The following TENM2 variants were observed in gnomAD, a reference collection of about 807,000 sequenced individuals.
TENM2 encodes the protein teneurin-2.
TENM2 carries 52 observed loss-of-function variants against 245.2 expected under a neutral mutation model. That is an observed-to-expected ratio of 0.21 (90% CI 0.17 to 0.27). The LOEUF (loss-of-function observed/expected upper bound fraction) is 0.27. Ranked by LOEUF, TENM2 falls within the 10% of genes least tolerant of loss-of-function variation. The probability of loss-of-function intolerance (pLI) is 1.00; values close to 1 mark genes in which losing one functional copy is unlikely to be tolerated. For synonymous variants in TENM2, 1,363 were observed against 1,438.9 expected, an observed-to-expected ratio of 0.95 and a Z score of 1.19; for missense variants, 3,046 against 3,666.8, an observed-to-expected ratio of 0.83 and a Z score of 4.37.
At chr5:168,060,549 C>G (rs248001) in intron 6 of TENM2, among the ~76,000 whole-genome samples, 45,644 of 152,126 alleles carry the variant, frequency 0.3, 7,579 homozygotes, top group Non-Finnish European at 0.36. Flanking sequence ...AAGGAGGCTT[C>G]CAAACTTCCT....
intron 9 of TENM2, among the ~76,000 whole-genome samples, chr5:168,099,920 T>C (rs1793671625): frequency 6.6e-6 from 1 of 152,234 alleles, no homozygotes; most frequent in African/African-American, 2.4e-5. Flanking sequence ...GGTTTGTAGT[T>C]CTCCTTGAAG....
intron 2 of TENM2, among the ~76,000 whole-genome samples, chr5:167,580,764 C>T (rs1423505080): frequency 6.6e-6 from 1 of 152,296 alleles, no homozygotes; most frequent in East Asian, 1.9e-4. Context: ...CCGAGGTGGG[C>T]GGATTGCTTG....
intron 13 of TENM2, among the ~76,000 whole-genome samples, chr5:168,166,117 G>A (rs1273151930): frequency 2.0e-5 from 3 of 152,094 alleles, no homozygotes; most frequent in African/African-American, 7.2e-5. Flanking sequence ...GTGGGGATGG[G>A]AGTTCTGCCC....
the TENM2 span, among the ~76,000 whole-genome samples, chr5:167,185,488 A>G: frequency 6.6e-6 from 1 of 152,124 alleles, no homozygotes; most frequent in Admixed American, 6.6e-5. Context: ...ATATGTTTCA[A>G]CATATATTTG....
rs543774573 is a variant in TENM2 at position 167,590,310 on chromosome 5, C to G, written c.502+214837C>G. The stretch of plus-strand genomic sequence containing the variant: ...CTATTTCAGATATCTTGAATTGTTT[C>G]TCAGCTTTAAAAAAAATCCCCATTA... On this transcript the variant is annotated intron_variant, in intron 2 of 28. Coordinates refer to ENST00000518659, the Ensembl canonical transcript of TENM2. 3.3e-5 allele frequency among the ~76,000 whole-genome samples: 5 copies of G among 151,742 alleles called. No individual in the cohort carries two copies. In the South Asian group the frequency reaches 1.0e-3, roughly 32 times the overall value.
chr5:167,730,403 A>G lies in TENM2; in HGVS notation c.503-145583A>G, dbSNP rs573230042. Among the ~76,000 whole-genome samples, 652 of 152,320 alleles carry G rather than the reference A, an allele frequency of 4.3e-3. 4 individuals are homozygous for G. Among genetic ancestry groups the G allele is most frequent in the African/African-American group, 0.015 (630 of 41,576 alleles). On this transcript the variant is annotated intron_variant, in intron 2 of 28. Coordinates refer to ENST00000518659, the Ensembl canonical transcript of TENM2. ...AGTCATTGGCTTTGAAAACCAGAGG[A>G]GAGGCCCACATTTGAGTTTATCTGT...
At chr5:167,177,834 C>G in the TENM2 span, among the ~76,000 whole-genome samples, 1 of 152,164 alleles carries the variant, frequency 6.6e-6, no homozygotes, top group Non-Finnish European at 1.5e-5. Context: ...GCGAAGTGAG[C>G]TCTGTTTAAT....
At chr5:167,348,445 C>A (rs1002792288) in intron 1 of TENM2, among the ~76,000 whole-genome samples, 1 of 152,114 alleles carries the variant, frequency 6.6e-6, no homozygotes, top group African/African-American at 2.4e-5. Context: ...CTCCAAGGGG[C>A]GCTTATCCTG....
intron 2 of TENM2, among the ~76,000 whole-genome samples, chr5:167,770,996 A>G (rs903311059): frequency 6.6e-6 from 1 of 152,166 alleles, no homozygotes; most frequent in Non-Finnish European, 1.5e-5. Flanking sequence ...AAATGTTTCA[A>G]TGCACTCAAG....
At chr5:168,206,638 A>G (rs1221339401) in intron 19 of TENM2, among the ~76,000 whole-genome samples, 3 of 152,164 alleles carry the variant, frequency 2.0e-5, no homozygotes, top group Admixed American at 6.5e-5. Flanking sequence ...CGATCAGACA[A>G]ATCGCTTTTC....
chr5:167,540,909 T>G (rs994586331), intron 2 of TENM2, among the ~76,000 whole-genome samples: 2 of 152,204 alleles, frequency 1.3e-5, no homozygotes, highest in Non-Finnish European at 2.9e-5. Flanking sequence ...GTCACTGCCT[T>G]GGCCCCCATA....
chr5:167,177,037 G>C, the TENM2 span, among the ~76,000 whole-genome samples: 2 of 152,184 alleles, frequency 1.3e-5, no homozygotes, highest in Admixed American at 1.3e-4. Flanking sequence ...ACCTATGGCA[G>C]CTGGCTCTTT....
At chr5:167,919,141 A>G (rs1382645547) in intron 3 of TENM2, among the ~76,000 whole-genome samples, 1 of 152,140 alleles carries the variant, frequency 6.6e-6, no homozygotes, top group Non-Finnish European at 1.5e-5. Context: ...ATTGACATTT[A>G]TGCTTTTACT....
intron 12 of TENM2, chr5:168,139,382 C>A (rs565276843): frequency 2.8e-5 from 12 of 432,728 alleles, no homozygotes; most frequent in South Asian, 2.0e-4. Context: ...TTAGCTATAT[C>A]TATTTTATTT....
At chr5:167,635,624 C>T (rs182443681) in intron 2 of TENM2, among the ~76,000 whole-genome samples, 98 of 122,922 alleles carry the variant, frequency 8.0e-4, no homozygotes, top group Admixed American at 3.1e-3. Context: ...TGGCTATGAT[C>T]AGTACAGTCT....
chr5:168,024,402 G>A (rs1488631840), intron 5 of TENM2, among the ~76,000 whole-genome samples: 1 of 152,116 alleles, frequency 6.6e-6, no homozygotes, highest in East Asian at 1.9e-4. Context: ...TTACAGACAC[G>A]TTCTGAATCC....
chr5:167,190,970 G>A, the TENM2 span, among the ~76,000 whole-genome samples: 1 of 151,874 alleles, frequency 6.6e-6, no homozygotes, highest in Non-Finnish European at 1.5e-5. Context: ...ATCTTTCGTT[G>A]TGTAACTGGT....
chr5:167,083,304 C>T, the TENM2 span, among the ~76,000 whole-genome samples: 1 of 152,176 alleles, frequency 6.6e-6, no homozygotes, highest in Non-Finnish European at 1.5e-5. Flanking sequence ...TCAGGTTTCT[C>T]ATCTTATGAA....
intron 11 of TENM2, 95 bp from the exon 14 acceptor site, chr5:168,126,659 C>A: frequency 1.0e-6 from 1 of 982,994 alleles, no homozygotes; most frequent in Non-Finnish European, 1.5e-6. Flanking sequence ...GGCCTCGGGG[C>A]CTGCTCCAGG....
Sources: allele counts gnomAD v4.1 joint callset (sites outside exome capture counted in the v4.1 genomes callset), GRCh38; gene constraint gnomAD v4.1.1; transcripts MANE v1.5; gene names NCBI Gene and HGNC (gene_info 2026-07-23, HGNC 2026-07-21).